The following SDK1 variants were observed in gnomAD, a reference collection of about 807,000 sequenced individuals.
SDK1 encodes protein sidekick-1.
A neutral mutation model predicts 245.5 loss-of-function variants in SDK1; 157 were observed. The ratio of observed to expected loss-of-function variants is 0.64; its 90% CI spans 0.56 to 0.73. SDK1 has a LOEUF of 0.73. SDK1 is among the 30% of genes least tolerant of loss of function. The pLI, the probability that SDK1 is intolerant of heterozygous loss-of-function variation, is 0.00. For synonymous variants in SDK1, 1,647 were observed against 1,278.5 expected (o/e 1.29, Z -6.15); for missense variants, 3,583 against 3,002.3 (o/e 1.19, Z -4.52).
intron 4 of SDK1, among the ~76,000 whole-genome samples, chr7:3,669,112 A>G (rs1485871277): frequency 6.6e-6 from 1 of 152,242 alleles, no homozygotes; most frequent in Non-Finnish European, 1.5e-5. Flanking sequence ...GAAGAAGTAG[A>G]ATATTAGGAG....
At chr7:3,396,595 C>G (rs927207773) in intron 1 of SDK1, among the ~76,000 whole-genome samples, 1 of 151,730 alleles carries the variant, frequency 6.6e-6, no homozygotes, top group African/African-American at 2.4e-5. Context: ...GAATTACCCT[C>G]TTATTATAAA....
intron 41 of SDK1, among the ~76,000 whole-genome samples, chr7:4,235,337 T>C (rs971230539): frequency 6.6e-6 from 1 of 152,144 alleles, no homozygotes; most frequent in African/African-American, 2.4e-5. Flanking sequence ...CTAATTTTTG[T>C]ATTTTTAGTA....
chr7:3,700,519 A>G (rs1431893069), intron 4 of SDK1, among the ~76,000 whole-genome samples: 2 of 152,232 alleles, frequency 1.3e-5, no homozygotes, highest in South Asian at 2.1e-4. Flanking sequence ...ATATAATGCA[A>G]TAATTAAAGC....
At chr7:4,173,693 C>T (rs530379976) in intron 32 of SDK1, among the ~76,000 whole-genome samples, 6 of 152,252 alleles carry the variant, frequency 3.9e-5, no homozygotes, top group African/African-American at 1.4e-4. Flanking sequence ...AGCCATCATG[C>T]GAGGGGCCAT....
intron 17 of SDK1, among the ~76,000 whole-genome samples, chr7:4,027,426 C>T (rs1453529270): frequency 1.3e-5 from 2 of 152,178 alleles, no homozygotes; most frequent in South Asian, 2.1e-4. Flanking sequence ...TGCACAGTCC[C>T]GTAGGGATAC....
At chr7:3,762,690 G>T (rs1780142162) in intron 4 of SDK1, among the ~76,000 whole-genome samples, 1 of 152,174 alleles carries the variant, frequency 6.6e-6, no homozygotes, top group Non-Finnish European at 1.5e-5. Flanking sequence ...CAGAGGGGAT[G>T]TAACATTCAC....
At chr7:4,144,616 T>C (rs759170937) in intron 28 of SDK1, among the ~76,000 whole-genome samples, 3 of 151,828 alleles carry the variant, frequency 2.0e-5, no homozygotes, top group Admixed American at 6.6e-5. Context: ...AGGATGCCTG[T>C]GAGCTCGGTC....
chr7:3,600,556 T>TTG lies in SDK1; in HGVS notation c.299-18523_299-18522insGT, dbSNP rs200911046. 2.3e-3 allele frequency among the ~76,000 whole-genome samples: 307 copies of TTG among 131,204 alleles called. 8 individuals are homozygous for TTG. The highest frequency in any genetic ancestry group is 0.019 in the Admixed American group (243 of 12,554). 86.1% of individuals were successfully genotyped at this position (131,204 alleles called of 152,430 possible). A position where few individuals can be genotyped will look rare whatever the true frequency, so the allele number is the denominator to read the frequency against. On this transcript the variant is annotated intron_variant, in intron 1 of 44. Coordinates refer to ENST00000404826, the MANE Select transcript of SDK1 (RefSeq NM_152744.4). ...TAAGTGTGATATTAGATGTAGTTTT[T>TTG]TTTTTTTTTTTTTTTTGAGATGGAG...
chr7:3,315,156 G>C (rs2128544911), intron 1 of SDK1, among the ~76,000 whole-genome samples: 2 of 152,264 alleles, frequency 1.3e-5, no homozygotes, highest in East Asian at 1.9e-4. Context: ...GTATTAAAAA[G>C]GATGTTTAGA....
intron 1 of SDK1, among the ~76,000 whole-genome samples, chr7:3,478,638 T>C (rs1480824416): frequency 6.6e-6 from 1 of 152,110 alleles, no homozygotes. Context: ...TTATTGATTT[T>C]ATTAGACTTT....
intron 20 of SDK1, among the ~76,000 whole-genome samples, chr7:4,073,695 T>C (rs1355311721): frequency 1.3e-5 from 2 of 152,312 alleles, no homozygotes; most frequent in East Asian, 3.9e-4. Context: ...GTCAGGGATG[T>C]CTCAGTTCCC....
intron 1 of SDK1, among the ~76,000 whole-genome samples, chr7:3,601,386 A>G (rs1024026039): frequency 6.6e-5 from 10 of 152,102 alleles, no homozygotes; most frequent in Admixed American, 2.0e-4. Flanking sequence ...TATAAATTCA[A>G]TTTCTTTAAT....
intron 5 of SDK1, among the ~76,000 whole-genome samples, chr7:3,829,400 G>A (rs1358747744): frequency 1.3e-5 from 2 of 152,076 alleles, no homozygotes; most frequent in East Asian, 1.9e-4. Flanking sequence ...GACAGATATC[G>A]TCACGTATAT....
At position 4,250,770 on chromosome 7, in the gene SDK1, T is replaced by A. The variant is rs550826549; in HGVS notation, c.6381+4965T>A. 1.5e-4 allele frequency among the ~76,000 whole-genome samples: 23 copies of A among 152,352 alleles called. 1 individual carries two copies. In the South Asian group the frequency reaches 4.8e-3, roughly 32 times the overall value. Reference sequence around the variant, plus strand: ...CCCCAACCCCACTCTAGTCAGAATCTTCTTTTTAAAAAATGCTTTATTGAG... The same window carrying A: ...CCCCAACCCCACTCTAGTCAGAATCATCTTTTTAAAAAATGCTTTATTGAG... On this transcript the variant is annotated intron_variant, in intron 44 of 44. Transcript: ENST00000404826.
chr7:3,306,519 G>A (rs1365975508), intron 1 of SDK1, among the ~76,000 whole-genome samples: 1 of 152,292 alleles, frequency 6.6e-6, no homozygotes, highest in Admixed American at 6.5e-5. Flanking sequence ...GTAAGGTACT[G>A]ATCTTTTATT....
chr7:4,118,399 A>G (rs1783853000), intron 25 of SDK1, among the ~76,000 whole-genome samples: 1 of 152,234 alleles, frequency 6.6e-6, no homozygotes, highest in African/African-American at 2.4e-5. Context: ...TCCTAAAATA[A>G]GATGGCTAAA....
chr7:3,839,857 T>C (rs1780115058), intron 5 of SDK1, among the ~76,000 whole-genome samples: 1 of 152,232 alleles, frequency 6.6e-6, no homozygotes, highest in Admixed American at 6.5e-5. Context: ...TTAAAAATTA[T>C]TGTAATATCT....
At chr7:3,502,491 C>T (rs548467614) in intron 1 of SDK1, among the ~76,000 whole-genome samples, 2 of 152,258 alleles carry the variant, frequency 1.3e-5, no homozygotes, top group East Asian at 3.9e-4. Flanking sequence ...CTCAGGTGAT[C>T]CACCGCCTTG....
intron 1 of SDK1, among the ~76,000 whole-genome samples, chr7:3,542,764 C>T (rs1246635091): frequency 6.6e-6 from 1 of 152,084 alleles, no homozygotes; most frequent in Non-Finnish European, 1.5e-5. Flanking sequence ...ACTAGAAGTG[C>T]TTTTAAAGAA....
Sources: gnomAD v4.1 joint callset for allele counts (sites outside exome capture counted in the v4.1 genomes callset) on GRCh38, gnomAD v4.1.1 for gene constraint, MANE v1.5 for transcripts, NCBI Gene and HGNC (gene_info 2026-07-23, HGNC 2026-07-21) for gene names.